The following ATXN1 variants were observed in gnomAD, a reference collection of about 807,000 sequenced individuals.
ATXN1 encodes the protein ataxin-1.
A neutral mutation model predicts 56.4 loss-of-function variants in ATXN1; 8 were observed. The observed-to-expected ratio is 0.14, with a 90% CI of 0.08 to 0.26. The LOEUF (loss-of-function observed/expected upper bound fraction) is 0.26, where lower values mean the gene tolerates loss of function less well. ATXN1 is among the 10% of genes least tolerant of loss of function. The pLI is 1.00. For synonymous variants in ATXN1, 514 were observed against 494.6 expected (o/e 1.04, Z -0.52); for missense variants, 987 against 1,106.5 (o/e 0.89, Z 1.53).
At chr6:16,322,742 T>A (rs1760685337) in intron 7 of ATXN1, among the ~76,000 whole-genome samples, 1 of 152,046 alleles carries the variant, frequency 6.6e-6, no homozygotes, top group Non-Finnish European at 1.5e-5. Flanking sequence ...CCCTCCCATC[T>A]CCCCCTCTCA....
intron 3 of ATXN1, among the ~76,000 whole-genome samples, chr6:16,607,029 G>T (rs1301069935): frequency 6.6e-6 from 1 of 152,008 alleles, no homozygotes; most frequent in Non-Finnish European, 1.5e-5. Context: ...TGGGATTACA[G>T]GCATGCGCCA....
chr6:16,404,349 T>A (rs395065), intron 6 of ATXN1, among the ~76,000 whole-genome samples: 10,946 of 152,168 alleles, frequency 0.072, 919 homozygotes, highest in East Asian at 0.43. Flanking sequence ...ACTGAGCATG[T>A]TTTGTTTTCA....
Position 16,299,446 on chromosome 6 carries a change from G to GA in ATXN1, c.*6882dup, listed in dbSNP as rs1760026981. 1 of 152,534 alleles carries GA rather than the reference G, an allele frequency of 6.6e-6. No homozygotes were observed. 9.4% of individuals were successfully genotyped at this position (152,534 alleles called of 1,614,324 possible). ...ATTACAGAGAGTATGCACGCATATG[G>GA]AAAAAAGTTCTCCTGTCACAATAAA... On this transcript the variant is annotated 3_prime_UTR_variant, in exon 8 of 8. Coordinates refer to ENST00000436367, the MANE Select transcript of ATXN1 (RefSeq NM_001128164.2).
At position 16,760,889 on chromosome 6, in the gene ATXN1, CG is replaced by C. The variant is rs1258150907; in HGVS notation, c.-730+408del. ...CCGCACTTGCGACCGGACCAGCAGC[CG>C]GGGGAGCGGGGCGCCGCCGCCGCTC... On this transcript the variant is annotated intron_variant, in intron 1 of 7. Transcript: ENST00000436367. The surrounding 1 kb of genome is among the most constrained non-coding windows in gnomAD (Gnocchi z 5.3). 1.3e-5 allele frequency among the ~76,000 whole-genome samples: 2 copies of C among 148,490 alleles called. No homozygotes were observed. The highest frequency in any genetic ancestry group is 2.0e-4 in the East Asian group (1 of 5,024).
At chr6:16,390,076 T>G (rs935338023) in intron 6 of ATXN1, among the ~76,000 whole-genome samples, 1 of 152,152 alleles carries the variant, frequency 6.6e-6, no homozygotes, top group Non-Finnish European at 1.5e-5. Context: ...CAAGGTGACA[T>G]AAAAAGTATC....
At chr6:16,401,456 A>C (rs1005986745) in intron 6 of ATXN1, among the ~76,000 whole-genome samples, 1 of 152,184 alleles carries the variant, frequency 6.6e-6, no homozygotes, top group Non-Finnish European at 1.5e-5. Context: ...AATTTAAAAA[A>C]AATAGCTGGG....
chr6:16,392,210 A>C (rs766782731), intron 6 of ATXN1, among the ~76,000 whole-genome samples: 3 of 152,220 alleles, frequency 2.0e-5, no homozygotes, highest in Admixed American at 1.3e-4. Context: ...AGGCTGTTTA[A>C]TTTGGAGGAA....
intron 3 of ATXN1, among the ~76,000 whole-genome samples, chr6:16,622,953 T>C (rs1019090841): frequency 3.9e-4 from 60 of 152,212 alleles, no homozygotes; most frequent in African/African-American, 1.4e-3. Context: ...ATCATTCATA[T>C]TTTGAATTTT....
At chr6:16,675,201 G>C (rs1319694105) in intron 2 of ATXN1, among the ~76,000 whole-genome samples, 1 of 152,198 alleles carries the variant, frequency 6.6e-6, no homozygotes, top group East Asian at 1.9e-4. Flanking sequence ...GCAACTGAAA[G>C]TAACCAATGG....
chr6:16,654,579 G>C (rs1187253983), intron 3 of ATXN1, among the ~76,000 whole-genome samples: 2 of 146,692 alleles, frequency 1.4e-5, no homozygotes, highest in Non-Finnish European at 3.0e-5. Flanking sequence ...GAGAGAGAGA[G>C]AGACCAGTCA....
At chr6:16,618,262 G>A (rs896047483) in intron 3 of ATXN1, among the ~76,000 whole-genome samples, 6 of 152,084 alleles carry the variant, frequency 3.9e-5, no homozygotes, top group African/African-American at 7.2e-5. Flanking sequence ...GGGGCCTGTC[G>A]GAGGGAGGGA....
intron 5 of ATXN1, among the ~76,000 whole-genome samples, chr6:16,518,664 C>A (rs1761231069): frequency 6.6e-6 from 1 of 152,152 alleles, no homozygotes; most frequent in Non-Finnish European, 1.5e-5. Flanking sequence ...CCTAAACAGA[C>A]CTCAAAACCA....
chr6:16,495,529 T>C (rs1001007383), intron 5 of ATXN1, among the ~76,000 whole-genome samples: 9 of 152,278 alleles, frequency 5.9e-5, no homozygotes, highest in Non-Finnish European at 1.2e-4. Flanking sequence ...CCATGCAAAA[T>C]TGCATGGCTA....
intron 2 of ATXN1, among the ~76,000 whole-genome samples, chr6:16,743,251 T>G (rs907503041): frequency 2.0e-5 from 3 of 152,224 alleles, no homozygotes; most frequent in African/African-American, 7.2e-5. Flanking sequence ...ATTGAGCGAA[T>G]TCAGCACTCT....
intron 3 of ATXN1, among the ~76,000 whole-genome samples, chr6:16,608,633 A>G (rs1763052647): frequency 6.6e-6 from 1 of 152,194 alleles, no homozygotes; most frequent in African/African-American, 2.4e-5. Flanking sequence ...CAAAGGGTGA[A>G]TTGGGCACCA....
chr6:16,491,290 T>A (rs1426603235), intron 5 of ATXN1, among the ~76,000 whole-genome samples: 88 of 137,494 alleles, frequency 6.4e-4, no homozygotes, highest in Admixed American at 5.6e-3. Flanking sequence ...TTTTTTTTTT[T>A]TTTTTTTTTT....
chr6:16,348,666 G>C (rs1185751280), intron 6 of ATXN1, among the ~76,000 whole-genome samples: 2 of 151,984 alleles, frequency 1.3e-5, no homozygotes, highest in Non-Finnish European at 2.9e-5. Flanking sequence ...TTGCACTCTA[G>C]CCTGGGCGAC....
At chr6:16,582,121 C>A (rs1427831352) in intron 4 of ATXN1, among the ~76,000 whole-genome samples, 2 of 152,188 alleles carry the variant, frequency 1.3e-5, no homozygotes, top group Non-Finnish European at 2.9e-5. Flanking sequence ...CATTGTCAGT[C>A]CCTGACTATT....
In ATXN1 at chr6:16,416,987, A is replaced by C. The variant is rs188796436; in HGVS notation, c.-161+68985T>G. Among the ~76,000 whole-genome samples, 359 of 152,336 alleles carry C rather than the reference A, an allele frequency of 2.4e-3. 6 individuals carry two copies. The highest frequency in any genetic ancestry group is 6.3e-4 in the Non-Finnish European group (43 of 68,032). ...AAATCCTGGGGCTCAACAGGCACCT[A>C]ACCCTACAATATTTCTAATGTTTTG... On this transcript the variant is annotated intron_variant, in intron 6 of 7. Coordinates refer to ENST00000436367, the MANE Select transcript of ATXN1 (RefSeq NM_001128164.2).
Sources: allele counts gnomAD v4.1 joint callset (sites outside exome capture counted in the v4.1 genomes callset), GRCh38; gene constraint gnomAD v4.1.1; non-coding constraint Gnocchi (gnomAD v3.1); transcripts MANE v1.5; gene names NCBI Gene and HGNC (gene_info 2026-07-23, HGNC 2026-07-21).